The following CLASP1 variants were observed in gnomAD, a reference collection of about 807,000 sequenced individuals.
The protein encoded by CLASP1 is CLIP-associating protein 1.
In CLASP1, 38 loss-of-function variants were observed where a neutral mutation model predicts 192.3. The ratio of observed to expected loss-of-function variants is 0.20; its 90% CI spans 0.15 to 0.26. CLASP1 has a LOEUF of 0.26. Ranked by LOEUF, CLASP1 falls within the 10% of genes least tolerant of loss-of-function variation. The pLI, the probability that CLASP1 is intolerant of heterozygous loss-of-function variation, is 1.00. For synonymous variants in CLASP1, 691 were observed against 712.8 expected (o/e 0.97, Z 0.49); for missense variants, 1,433 against 1,932.5 (o/e 0.74, Z 4.85).
At chr2:121,397,356 A>G in intron 29 of CLASP1, 73 bp from the exon 31 acceptor site, 2 of 1,370,158 alleles carry the variant, frequency 1.5e-6, no homozygotes, top group Non-Finnish European at 2.0e-6. Flanking sequence ...TCAGGTGGCC[A>G]GAGAAAAGTA....
At chr2:121,561,702 A>C (rs2070424599) in intron 2 of CLASP1, among the ~76,000 whole-genome samples, 1 of 152,222 alleles carries the variant, frequency 6.6e-6, no homozygotes, top group African/African-American at 2.4e-5. Flanking sequence ...GGGGTTGGAA[A>C]CCTTGATTTA....
At chr2:121,457,904 C>A in intron 13 of CLASP1, 147 bp from the exon 14 acceptor site, 1 of 588,304 alleles carries the variant, frequency 1.7e-6, no homozygotes, top group South Asian at 2.8e-5. Context: ...AAAAAGAATT[C>A]ACAGGATATT....
At chr2:121,576,950 A>AATT (rs1463563629) in intron 2 of CLASP1, among the ~76,000 whole-genome samples, 3 of 152,202 alleles carry the variant, frequency 2.0e-5, no homozygotes, top group Non-Finnish European at 4.4e-5. Flanking sequence ...AACACAAACT[A>AATT]ATTAGTGGTG....
intron 22 of CLASP1, among the ~76,000 whole-genome samples, chr2:121,419,466 C>G (rs1444409275): frequency 6.6e-6 from 1 of 152,156 alleles, no homozygotes; most frequent in Non-Finnish European, 1.5e-5. Context: ...CAAGCACCAC[C>G]ACTGACCCAG....
chr2:121,489,067 T>A lies in CLASP1; in HGVS notation c.712+14100A>T, dbSNP rs372136265. Among the ~76,000 whole-genome samples the A allele has an allele frequency of 2.0e-5, 3 of 152,206 alleles. No individual in the cohort carries two copies. In the South Asian group the frequency reaches 6.2e-4, roughly 32 times the overall value. ...TGAAAATATCACAACTTAAGTCAAA[T>A]GCTACTTGTAAGTGACACACTTTCA... On this transcript the variant is annotated intron_variant, in intron 8 of 39. Coordinates refer to ENST00000263710, the Ensembl canonical transcript of CLASP1.
chr2:121,386,418 G>C (rs2073203798), intron 32 of CLASP1, among the ~76,000 whole-genome samples: 1 of 152,194 alleles, frequency 6.6e-6, no homozygotes, highest in Non-Finnish European at 1.5e-5. Context: ...TAGGGCAACT[G>C]CTTTGAGTGG....
chr2:121,357,120 T>A (rs965975550), intron 37 of CLASP1, among the ~76,000 whole-genome samples: 1 of 152,190 alleles, frequency 6.6e-6, no homozygotes, highest in African/African-American at 2.4e-5. Context: ...CCAGCACAAA[T>A]ATAGACGGAT....
chr2:121,561,031 C>T (rs2059036315), intron 2 of CLASP1, among the ~76,000 whole-genome samples: 1 of 152,202 alleles, frequency 6.6e-6, no homozygotes, highest in Non-Finnish European at 1.5e-5. Context: ...CTCAGCCTCC[C>T]GAGTAGCTGG....
intron 30 of CLASP1, 85 bp downstream of exon 31, chr2:121,397,055 G>C: frequency 1.5e-6 from 2 of 1,369,574 alleles, no homozygotes; most frequent in South Asian, 2.4e-5. Context: ...TGGGTGGGTG[G>C]CACGGTTTTC....
chr2:121,522,415 T>A (rs2094478244), intron 6 of CLASP1, among the ~76,000 whole-genome samples: 1 of 152,166 alleles, frequency 6.6e-6, no homozygotes, highest in Admixed American at 6.5e-5. Flanking sequence ...GACCAAAGCC[T>A]AGGGCTTCCT....
At chr2:121,446,242 T>C (rs1016380330) in intron 19 of CLASP1, among the ~76,000 whole-genome samples, 10 of 152,210 alleles carry the variant, frequency 6.6e-5, no homozygotes, top group African/African-American at 2.4e-4. Flanking sequence ...TACAGAACAA[T>C]AGTTTATAAA....
chr2:121,427,249 AT>A (rs1281843648), intron 21 of CLASP1, among the ~76,000 whole-genome samples, 154 bp downstream of exon 21: 1 of 152,210 alleles, frequency 6.6e-6, no homozygotes, highest in Admixed American at 6.5e-5. Context: ...AAAGAAATCC[AT>A]TTCAAACTCT....
At chr2:121,389,746 C>G (rs904748606) in intron 30 of CLASP1, among the ~76,000 whole-genome samples, 1 of 152,176 alleles carries the variant, frequency 6.6e-6, no homozygotes. Flanking sequence ...TCCAAGCTAA[C>G]TTGAGGCTTT....
chr2:121,424,991 A>C, intron 22 of CLASP1, 148 bp downstream of exon 22: 1 of 715,826 alleles, frequency 1.4e-6, no homozygotes, highest in South Asian at 2.3e-5. Context: ...TCAATATGCC[A>C]TAATCTGTAT....
chr2:121,513,070 T>C (rs889497007), intron 7 of CLASP1: 9 of 152,378 alleles, frequency 5.9e-5, no homozygotes, highest in African/African-American at 2.2e-4. Flanking sequence ...ATATAGCAGA[T>C]ACTGAAGTTC....
At chr2:121,493,830 C>T (rs1209191369) in intron 8 of CLASP1, among the ~76,000 whole-genome samples, 1 of 152,032 alleles carries the variant, frequency 6.6e-6, no homozygotes, top group Non-Finnish European at 1.5e-5. Context: ...AAATGGCAAA[C>T]AGGCATATTA....
chr2:121,521,040 A>G (rs1176337703), intron 6 of CLASP1, among the ~76,000 whole-genome samples: 2 of 152,206 alleles, frequency 1.3e-5, no homozygotes, highest in Non-Finnish European at 2.9e-5. Flanking sequence ...ACATTCAGGG[A>G]AAAGTGAACA....
At chr2:121,388,774 A>G (rs1244280245) in intron 30 of CLASP1, among the ~76,000 whole-genome samples, 1 of 152,246 alleles carries the variant, frequency 6.6e-6, no homozygotes, top group Non-Finnish European at 1.5e-5. Flanking sequence ...AATTTCTAAG[A>G]GTCAAGAGAA....
At chr2:121,470,195 GA>G in intron 8 of CLASP1, 1 of 546,510 alleles carries the variant, frequency 1.8e-6, no homozygotes, top group Non-Finnish European at 3.4e-6. Context: ...CTCAAATTTT[GA>G]AAAATAGAAC....
Sources: allele counts gnomAD v4.1 joint callset (sites outside exome capture counted in the v4.1 genomes callset), GRCh38; gene constraint gnomAD v4.1.1; transcripts MANE v1.5; gene names NCBI Gene and HGNC (gene_info 2026-07-23, HGNC 2026-07-21).